The following CLDN14 variants were observed in gnomAD, a reference collection of about 807,000 sequenced individuals.
CLDN14 encodes claudin 14, also known as claudin-14.
In CLDN14, 2 loss-of-function variants were observed where a neutral mutation model predicts 2.1. The observed-to-expected ratio is 0.96, with a 90% CI of 0.39 to 3.01. The LOEUF is 3.01. CLDN14 is among the 30% of genes most tolerant of loss of function. The pLI is 0.09. For missense variants in CLDN14, 298 were observed against 328.0 expected (o/e 0.91, Z 0.71); for synonymous variants, 136 against 154.4 (o/e 0.88, Z 0.88).
chr21:36,561,522 G>T (rs2087635186), intron 1 of CLDN14, among the ~76,000 whole-genome samples: 1 of 152,082 alleles, frequency 6.6e-6, no homozygotes, highest in African/African-American at 2.4e-5. Context: ...CTGCCCCTCA[G>T]CTTAGCTATC....
At chr21:36,503,995 G>C (rs1292929359) in intron 2 of CLDN14, among the ~76,000 whole-genome samples, 3 of 139,904 alleles carry the variant, frequency 2.1e-5, no homozygotes, top group Admixed American at 7.0e-5. Context: ...AAAGAAAATA[G>C]ATTCATTAAA....
At chr21:36,468,406 G>A (rs1203332754) in intron 1 of CLDN14, among the ~76,000 whole-genome samples, 1 of 151,972 alleles carries the variant, frequency 6.6e-6, no homozygotes, top group Non-Finnish European at 1.5e-5. Context: ...ATGAAACCCC[G>A]TCTCTACTAA....
chr21:36,529,701 A>G (rs2087364377), intron 1 of CLDN14, among the ~76,000 whole-genome samples: 1 of 152,236 alleles, frequency 6.6e-6, no homozygotes, highest in Admixed American at 6.5e-5. Context: ...CCTTATTTAG[A>G]TTTGTAAGTC....
At chr21:36,560,482 A>G (rs924929179) in intron 1 of CLDN14, among the ~76,000 whole-genome samples, 1 of 152,150 alleles carries the variant, frequency 6.6e-6, no homozygotes, top group African/African-American at 2.4e-5. Context: ...GGAGGTGCAA[A>G]TATCTGAGAT....
At chr21:36,484,489 C>T (rs144386008), upstream of CLDN14, among the ~76,000 whole-genome samples, 263 of 152,278 alleles carry the variant, frequency 1.7e-3, 1 homozygote, top group African/African-American at 3.2e-3. Flanking sequence ...AAAACCAAGA[C>T]GCTAGCAGGG....
rs528158122 is a variant in CLDN14, at chr21:36,491,231, G to A, written c.-82+19132C>T. Among the ~76,000 whole-genome samples, 7 of 152,294 alleles carry A rather than the reference G, an allele frequency of 4.6e-5. No individual in the cohort carries two copies. The South Asian group carries it at 1.5e-3, about 32-fold the overall frequency. ...AGGAACTAGGATCCCCAGATATCCT[G>A]AAGAACTTCACTCACAGTCTCTTTC... On this transcript the variant is annotated intron_variant, in intron 2 of 2. Transcript: ENST00000342108.
At chr21:36,538,958 C>A (rs2087455863) in intron 1 of CLDN14, among the ~76,000 whole-genome samples, 1 of 152,220 alleles carries the variant, frequency 6.6e-6, no homozygotes, top group African/African-American at 2.4e-5. Flanking sequence ...CCGGCACACC[C>A]ACACACAGAG....
intron 1 of CLDN14, among the ~76,000 whole-genome samples, chr21:36,572,384 C>T (rs2087715743): frequency 8.1e-6 from 1 of 123,990 alleles, no homozygotes; most frequent in African/African-American, 2.6e-5. Flanking sequence ...TCTGGGTGAC[C>T]TTCCCTCTGC....
chr21:36,546,692 G>C (rs374995121), intron 1 of CLDN14, among the ~76,000 whole-genome samples: 7 of 152,130 alleles, frequency 4.6e-5, no homozygotes, highest in Admixed American at 1.3e-4. Context: ...CAAACATAAT[G>C]AGTTCTTATG....
chr21:36,460,898 T>TG lies in CLDN14; in HGVS notation c.*77dup. On this transcript the variant is annotated 3_prime_UTR_variant, in exon 2 of 2. Coordinates refer to ENST00000399135, the MANE Select transcript of CLDN14 (RefSeq NM_001146079.2). This position sits in a 1 kb window ranked among gnomAD's most constrained non-coding sequence, Gnocchi z 4.0. ...AATTGCCCAGAAGTAAACTTTGTGC[T>TG]GGAACCCCTGCCTCCATTGACAGTC... 1 of 1,534,082 alleles carries TG rather than the reference T, an allele frequency of 6.5e-7. No individual in the cohort carries two copies.
chr21:36,489,145 T>A lies in CLDN14; in HGVS notation c.-82+21218A>T, dbSNP rs1308730016. ...AAAAAAAAAAAAATATATATATATA[T>A]ATATATATATATGGAGAGAGAGAGA... is the stretch of plus-strand genomic sequence containing the variant. On this transcript the variant is annotated intron_variant, in intron 2 of 2. Coordinates refer to the CLDN14 transcript ENST00000342108. Among the ~76,000 whole-genome samples, 18 of 129,338 alleles carry A rather than the reference T, an allele frequency of 1.4e-4. No individual in the cohort carries two copies. The South Asian group carries it at 2.5e-3, about 18-fold the overall frequency. 84.9% of individuals were successfully genotyped at this position (129,338 alleles called of 152,430 possible).
intron 1 of CLDN14, among the ~76,000 whole-genome samples, chr21:36,473,991 A>G (rs758206172): frequency 1.1e-4 from 17 of 152,212 alleles, no homozygotes; most frequent in Admixed American, 6.5e-4. Flanking sequence ...GGAGACCTTG[A>G]TAAGCTCAGT....
Position 36,523,773 on chromosome 21 carries a change from G to GAGAA in CLDN14, c.-219-13277_-219-13274dup, listed in dbSNP as rs1296145521. Among the ~76,000 whole-genome samples the GAGAA allele has an allele frequency of 7.6e-4, 12 of 15,690 alleles. 2 individuals carry two copies. Among genetic ancestry groups the GAGAA allele is most frequent in the South Asian group, 3.1e-3 (1 of 318 alleles). The allele number at this position is 15,690 out of a possible 152,430, so 10.3% of individuals were successfully genotyped here. On this transcript the variant is annotated intron_variant, in intron 1 of 2. Coordinates refer to the CLDN14 transcript ENST00000342108. ...AAAAAAAAAAAAAAAGAAAGAAAGA[G>GAGAA]AGAAAGAGAGAAAGAAAGAAAGAAA...
intron 2 of CLDN14, among the ~76,000 whole-genome samples, chr21:36,509,230 G>C (rs1462277898): frequency 6.6e-6 from 1 of 152,262 alleles, no homozygotes; most frequent in East Asian, 1.9e-4. Context: ...CCCACCTGCT[G>C]TGAAGGCACT....
upstream of CLDN14, among the ~76,000 whole-genome samples, chr21:36,482,473 AC>A (rs1270578860): frequency 6.6e-6 from 1 of 151,162 alleles, no homozygotes; most frequent in Non-Finnish European, 1.5e-5. Context: ...TACATAGATC[AC>A]CTTTATTCTG....
chr21:36,486,666 C>T (rs902804663), intron 2 of CLDN14: 14 of 1,424,136 alleles, frequency 9.8e-6, no homozygotes, highest in Non-Finnish European at 1.2e-5. Context: ...TTCACCTCCT[C>T]TTCCCCCAAA....
upstream of CLDN14, among the ~76,000 whole-genome samples, chr21:36,481,673 T>A (rs1018185688): frequency 6.6e-6 from 1 of 152,228 alleles, no homozygotes; most frequent in Non-Finnish European, 1.5e-5. Flanking sequence ...TAGTCTTGAT[T>A]TTCTTTGGAA....
chr21:36,461,183 C>T lies in CLDN14; in HGVS notation c.513G>A (p.Ser171=), dbSNP rs756847536. Residue 171 remains serine, a synonymous_variant, in exon 2 of 2, where the codon TCG becomes TCA. Coordinates refer to ENST00000399135, the MANE Select transcript of CLDN14 (RefSeq NM_001146079.2). Reference sequence around the variant, plus strand: ...GGGTGCCACCAATGAGCGAGAGGGACGAGGAGATGAAGCCCAGGTACAGGG... The same window carrying T: ...GGGTGCCACCAATGAGCGAGAGGGATGAGGAGATGAAGCCCAGGTACAGGG... ...GQALYLGFIS[S]SLSLIGGTLL... 26 of 1,613,812 alleles carry T rather than the reference C, an allele frequency of 1.6e-5. No homozygotes were observed. The highest frequency in any genetic ancestry group is 1.4e-4 in the South Asian group (13 of 91,082).
At chr21:36,468,571 G>T (rs141863530) in intron 1 of CLDN14, among the ~76,000 whole-genome samples, 1 of 151,816 alleles carries the variant, frequency 6.6e-6, no homozygotes, top group Non-Finnish European at 1.5e-5. Context: ...TCAAACAAAA[G>T]AAAATAAACA....
Sources: gnomAD v4.1 joint callset for allele counts (sites outside exome capture counted in the v4.1 genomes callset) on GRCh38, gnomAD v4.1.1 for gene constraint, Gnocchi (gnomAD v3.1) non-coding constraint, MANE v1.5 for transcripts, NCBI Gene and HGNC (gene_info 2026-07-23, HGNC 2026-07-21) for gene names.